DBX2: variants seen among roughly 807,000 people sequenced by gnomAD.
The protein encoded by DBX2 is developing brain homeobox 2, also known as homeobox protein DBX2.
A neutral mutation model predicts 17.7 loss-of-function variants in DBX2; 16 were observed. The ratio of observed to expected loss-of-function variants is 0.90; its 90% CI spans 0.61 to 1.37. The LOEUF (loss-of-function observed/expected upper bound fraction) is 1.37. Ranked by LOEUF, DBX2 falls within the 40% of genes most tolerant of loss-of-function variation. The pLI, the probability that DBX2 is intolerant of heterozygous loss-of-function variation, is 0.00. For missense variants in DBX2, 538 were observed against 433.8 expected (o/e 1.24, Z -2.13); for synonymous variants, 255 against 183.8 (o/e 1.39, Z -3.13).
intron 1 of DBX2, among the ~76,000 whole-genome samples, chr12:45,039,147 A>G (rs1364869015): frequency 7.4e-6 from 1 of 135,548 alleles, no homozygotes; most frequent in African/African-American, 2.6e-5. Flanking sequence ...TAAAATTCCA[A>G]TTAAGTGCTT....
intron 1 of DBX2, among the ~76,000 whole-genome samples, chr12:45,049,616 C>T (rs1334836963): frequency 1.3e-5 from 2 of 151,668 alleles, no homozygotes; most frequent in African/African-American, 4.8e-5. Context: ...TCTGGACAAA[C>T]CCATCGGGAT....
intron 1 of DBX2, among the ~76,000 whole-genome samples, chr12:45,048,556 A>C (rs1437921615): frequency 1.3e-5 from 2 of 152,210 alleles, no homozygotes; most frequent in African/African-American, 4.8e-5. Context: ...ACATTTGGTA[A>C]GGCAAGAATC....
chr12:45,023,923 C>T lies in DBX2; in HGVS notation c.500-29G>A, dbSNP rs78535408. On this transcript the variant is annotated intron_variant, in intron 2 of 3. Transcript: ENST00000332700. Reference sequence around the variant, plus strand: ...GAGTCGAGGGAAAAAGATACAAAAGCCCAGTTAGCTTTAGAAAGAAGTCAG... The same window carrying T: ...GAGTCGAGGGAAAAAGATACAAAAGTCCAGTTAGCTTTAGAAAGAAGTCAG... The T allele has an allele frequency of 2.0e-3, 3,022 of 1,525,746 alleles. 48 individuals carry two copies. The African/African-American group carries it at 0.037, about 19-fold the overall frequency. The allele number at this position is 1,525,746 out of a possible 1,614,324, so 94.5% of individuals were successfully genotyped here. A position where few individuals can be genotyped will look rare whatever the true frequency, so the allele number is the denominator to read the frequency against.
At chr12:45,027,413 A>G (rs968756555) in intron 2 of DBX2, among the ~76,000 whole-genome samples, 3 of 152,238 alleles carry the variant, frequency 2.0e-5, no homozygotes, top group African/African-American at 7.2e-5. Context: ...TTTCCTCTGC[A>G]TTCTGGCATG....
rs764428228 is a variant in DBX2 at position 45,036,042 on chromosome 12, G to A, written c.476C>T (p.Pro159Leu). The change falls in exon 2 of 4, where the codon CCT becomes CTT. Residue 159 changes from proline to leucine, a missense_variant. By Grantham distance (98) the Pro-to-Leu change is moderately conservative (BLOSUM62 -3). Coordinates refer to ENST00000332700, the MANE Select transcript of DBX2 (RefSeq NM_001004329.3). ...ACTTGGAAAAGCAGTGGAGGATGCA[G>A]GGCGCCGACAGGACCCACCGCAGCA... The part of the protein sequence containing the change: ...SACCGGSCRR[P>L]ASSTAFPREE... 8 of 1,613,414 alleles carry A rather than the reference G, an allele frequency of 5.0e-6. 1 individual carries two copies. The South Asian group carries it at 7.7e-5, about 16-fold the overall frequency.
intron 3 of DBX2, among the ~76,000 whole-genome samples, chr12:45,018,571 C>T (rs1481643966): frequency 2.6e-5 from 4 of 151,844 alleles, no homozygotes; most frequent in Non-Finnish European, 2.9e-5. Context: ...ACAGAGGATA[C>T]ATGGAAAAGA....
chr12:45,045,533 C>T (rs1008398199), intron 1 of DBX2, among the ~76,000 whole-genome samples: 5 of 152,286 alleles, frequency 3.3e-5, no homozygotes, highest in African/African-American at 1.2e-4. Flanking sequence ...AGCAGCAAAT[C>T]TAACTGTAAA....
rs1411918987 is a variant in DBX2, at chr12:45,050,875, G to C, written c.53C>G (p.Ala18Gly). 3 of 1,533,730 alleles carry C rather than the reference G, an allele frequency of 2.0e-6. No homozygotes were observed. The highest frequency in any genetic ancestry group is 2.6e-6 in the Non-Finnish European group (3 of 1,143,376). Residue 18 changes from alanine to glycine, a missense_variant, in exon 1 of 4, where the codon GCT becomes GGT. Coordinates refer to ENST00000332700, the MANE Select transcript of DBX2 (RefSeq NM_001004329.3). ...AHAGAYWDVV[A>G]SSALLNLPAA... ...GGGGAGGTTGAGGAGCGCGGAGGAA[G>C]CCACAACGTCCCAGTACGCACCGGC...
At chr12:45,021,641 G>A (rs771873780) in intron 3 of DBX2, among the ~76,000 whole-genome samples, 46 of 152,118 alleles carry the variant, frequency 3.0e-4, no homozygotes, top group Non-Finnish European at 6.2e-4. Context: ...TGGCAGGCCA[G>A]GCCCACTGAG....
chr12:45,017,113 A>G (rs751713844), intron 3 of DBX2, among the ~76,000 whole-genome samples: 7 of 152,298 alleles, frequency 4.6e-5, no homozygotes, highest in Non-Finnish European at 1.0e-4. Context: ...ATATCCCCAT[A>G]CACACATTTG....
intron 2 of DBX2, among the ~76,000 whole-genome samples, chr12:45,029,985 C>G (rs1391920826): frequency 1.3e-5 from 2 of 151,904 alleles, no homozygotes; most frequent in African/African-American, 4.8e-5. Context: ...TTCCAGGATC[C>G]CCTGGATCCT....
intron 2 of DBX2, among the ~76,000 whole-genome samples, chr12:45,031,241 A>AGG (rs1946409423): frequency 1.3e-5 from 2 of 148,834 alleles, no homozygotes; most frequent in African/African-American, 4.9e-5. Flanking sequence ...AGAGAGAGAG[A>AGG]GAGAGAGAGA....
chr12:45,020,909 C>T (rs1946348752), intron 3 of DBX2, among the ~76,000 whole-genome samples: 1 of 151,964 alleles, frequency 6.6e-6, no homozygotes, highest in Admixed American at 6.6e-5. Flanking sequence ...CAAACAAGCG[C>T]CATTTGTAAA....
chr12:45,051,016 C>T lies in DBX2; in HGVS notation c.-89G>A. ...CACCGCACCCAGAGCCGCAGCTTCT[C>T]GCCGCCGCCTCCCGCAGGGCTGGAG... On this transcript the variant is annotated 5_prime_UTR_variant, in exon 1 of 4. Transcript: ENST00000332700. 7.7e-7 allele frequency: 1 copy of T among 1,301,638 alleles called. No homozygotes were observed. The highest frequency in any genetic ancestry group is 9.7e-7 in the Non-Finnish European group (1 of 1,028,156). The allele number at this position is 1,301,638 out of a possible 1,614,324, so 80.6% of individuals were successfully genotyped here.
intron 1 of DBX2, among the ~76,000 whole-genome samples, chr12:45,043,043 C>T (rs963264390): frequency 6.6e-6 from 1 of 152,134 alleles, no homozygotes; most frequent in Non-Finnish European, 1.5e-5. Flanking sequence ...TACTATAAGC[C>T]TTTGTGAAGG....
At chr12:45,046,823 A>C (rs907503425) in intron 1 of DBX2, among the ~76,000 whole-genome samples, 4 of 152,064 alleles carry the variant, frequency 2.6e-5, no homozygotes, top group African/African-American at 9.7e-5. Flanking sequence ...GGATGCCAGA[A>C]AAAAAAATAC....
intron 1 of DBX2, among the ~76,000 whole-genome samples, chr12:45,036,893 G>T (rs1474887725): frequency 6.6e-6 from 1 of 152,094 alleles, no homozygotes; most frequent in Admixed American, 6.5e-5. Flanking sequence ...ATAGTGAGTT[G>T]CCATGTAATT....
At chr12:45,048,011 C>A (rs1469978546) in intron 1 of DBX2, among the ~76,000 whole-genome samples, 1 of 152,186 alleles carries the variant, frequency 6.6e-6, no homozygotes, top group African/African-American at 2.4e-5. Flanking sequence ...AGACAGTCAT[C>A]TGTCTTGTTA....
At chr12:45,046,546 A>G (rs758966157) in intron 1 of DBX2, among the ~76,000 whole-genome samples, 1 of 152,216 alleles carries the variant, frequency 6.6e-6, no homozygotes, top group African/African-American at 2.4e-5. Context: ...ATAAGATCAC[A>G]AAGTCTTTAC....
Sources: gnomAD v4.1 joint callset for allele counts (sites outside exome capture counted in the v4.1 genomes callset) on GRCh38, gnomAD v4.1.1 for gene constraint, MANE v1.5 for transcripts, NCBI Gene and HGNC (gene_info 2026-07-23, HGNC 2026-07-21) for gene names.